CADM3: variants seen among roughly 807,000 people sequenced by gnomAD.
CADM3 encodes the protein cell adhesion molecule 3, also known as TSLC1-like 1.
A neutral mutation model predicts 44.9 loss-of-function variants in CADM3; 11 were observed. The observed-to-expected ratio is 0.25, with a 90% CI of 0.15 to 0.41. The LOEUF is 0.41. Among genes scored for constraint, CADM3 ranks in the 10% least tolerant of loss-of-function variants. The pLI is 1.00. For synonymous variants in CADM3, 207 were observed against 205.2 expected, an observed-to-expected ratio of 1.01 and a Z score of -0.08; for missense variants, 426 against 512.0, an observed-to-expected ratio of 0.83 and a Z score of 1.62.
At chr1:159,198,061 T>C (rs1233625331) in intron 7 of CADM3, 2 of 152,274 alleles carry the variant, frequency 1.3e-5, no homozygotes, top group African/African-American at 4.8e-5. Flanking sequence ...GAGAAAGTTC[T>C]TGTGCCCTTG....
chr1:159,192,785 C>T (rs2102124435), intron 3 of CADM3, 55 bp downstream of exon 3: 2 of 1,549,262 alleles, frequency 1.3e-6, no homozygotes, highest in South Asian at 1.2e-5. Context: ...AAACAAACCT[C>T]CCTAGATGGG....
chr1:159,189,073 G>A, intron 1 of CADM3, among the ~76,000 whole-genome samples: 1 of 152,134 alleles, frequency 6.6e-6, no homozygotes, highest in East Asian at 1.9e-4. Flanking sequence ...GTAGCAATCT[G>A]GGAAGACATG....
Position 159,192,749 on chromosome 1 carries a change from A to G in CADM3, c.382+19A>G. 6.2e-7 allele frequency: 1 copy of G among 1,607,064 alleles called. No homozygotes were observed. Among genetic ancestry groups the G allele is most frequent in the Non-Finnish European group, 8.5e-7 (1 of 1,175,810 alleles). ...GTGCTAGGTGAGACTCCCAAACCCC[A>G]GTGTCTCTACAGCATGCTTCCTTGC... On this transcript the variant is annotated intron_variant, in intron 3 of 8. Transcript: ENST00000368125.
chr1:159,189,746 T>C, intron 1 of CADM3: 1 of 1,557,188 alleles, frequency 6.4e-7, no homozygotes, highest in Non-Finnish European at 8.8e-7. Context: ...GTAGGGCTCA[T>C]GCTTGATGGA....
At chr1:159,200,770 G>T (rs375746297) in intron 8 of CADM3, 34 bp from the exon 9 acceptor site, 1 of 1,495,602 alleles carries the variant, frequency 6.7e-7, no homozygotes, top group Non-Finnish European at 9.1e-7. Context: ...TTGGGAAGCT[G>T]CTCCTGAGAG....
At chr1:159,187,921 C>G (rs1194437965) in intron 1 of CADM3, among the ~76,000 whole-genome samples, 1 of 151,598 alleles carries the variant, frequency 6.6e-6, no homozygotes, top group Non-Finnish European at 1.5e-5. Flanking sequence ...CTCCCCAGCC[C>G]CCTTTCCTTC....
intron 1 of CADM3, among the ~76,000 whole-genome samples, chr1:159,190,200 C>CA (rs1186418650): frequency 6.6e-6 from 1 of 152,092 alleles, no homozygotes; most frequent in Non-Finnish European, 1.5e-5. Flanking sequence ...GAACCAGGGA[C>CA]AAAGGGATGA....
At chr1:159,184,407 T>A (rs1246685606) in intron 1 of CADM3, among the ~76,000 whole-genome samples, 1 of 152,246 alleles carries the variant, frequency 6.6e-6, no homozygotes, top group Non-Finnish European at 1.5e-5. Flanking sequence ...ACAGTATTTT[T>A]AACTCTGGAG....
intron 1 of CADM3, among the ~76,000 whole-genome samples, chr1:159,189,120 A>G (rs1188736906): frequency 6.6e-6 from 1 of 152,210 alleles, no homozygotes; most frequent in Non-Finnish European, 1.5e-5. Flanking sequence ...CTGTTTCTTC[A>G]ATGGTGGGAG....
At chr1:159,185,062 CCTA>C (rs1480522898) in intron 1 of CADM3, among the ~76,000 whole-genome samples, 31 of 152,282 alleles carry the variant, frequency 2.0e-4, no homozygotes, top group African/African-American at 7.5e-4. Context: ...TAGTTTTCAG[CCTA>C]GCTGCTAGAG....
chr1:159,171,685 G>A lies in CADM3; in HGVS notation c.-81G>A. The A allele has an allele frequency of 9.3e-7, 1 of 1,071,886 alleles. No individual in the cohort carries two copies. The allele number at this position is 1,071,886 out of a possible 1,614,324, so 66.4% of individuals were successfully genotyped here. On this transcript the variant is annotated 5_prime_UTR_variant, in exon 1 of 9. Transcript: ENST00000368125. ...CGGGGGCGCCCTTTCGGTCAACATCGTAGTCCACCCCCTCCCCATCCCCAG... is the reference window on the plus strand; with the variant it reads ...CGGGGGCGCCCTTTCGGTCAACATCATAGTCCACCCCCTCCCCATCCCCAG...
At chr1:159,191,090 A>G (rs862988) in intron 1 of CADM3, among the ~76,000 whole-genome samples, 65,090 of 152,114 alleles carry the variant, frequency 0.43, 14,959 homozygotes, top group East Asian at 0.65. Flanking sequence ...AGGCGTGACC[A>G]GAAGGCACAG....
chr1:159,200,760 T>C (rs201047940), intron 8 of CADM3, 44 bp from the exon 9 acceptor site: 31 of 1,448,418 alleles, frequency 2.1e-5, no homozygotes, highest in African/African-American at 5.7e-5. Context: ...GACTCAGAGG[T>C]TGGGAAGCTG....
At position 159,171,860 on chromosome 1, in the gene CADM3, G is replaced by T. The variant is rs1046705658; in HGVS notation, c.88+7G>T. 3 of 1,239,554 alleles carry T rather than the reference G, an allele frequency of 2.4e-6. No homozygotes were observed. Among genetic ancestry groups the T allele is most frequent in the Non-Finnish European group, 3.0e-6 (3 of 989,816 alleles). 76.8% of individuals were successfully genotyped at this position (1,239,554 alleles called of 1,614,324 possible). ...GCCAACCTCTCCCAGGACGGTGAGT[G>T]AGGGAGGGGGCGGCGCCTGGGGAGG... On this transcript the variant is annotated splice_region_variant and intron_variant, in intron 1 of 8. Coordinates refer to ENST00000368125, the MANE Select transcript of CADM3 (RefSeq NM_001127173.3).
rs765681127 is a variant in CADM3 at position 159,171,824 on chromosome 1, C to T, written c.59C>T (p.Ala20Val). 1.6e-6 allele frequency: 2 copies of T among 1,245,974 alleles called. No individual in the cohort carries two copies. The highest frequency in any genetic ancestry group is 4.0e-5 in the South Asian group (1 of 24,876). The allele number at this position is 1,245,974 out of a possible 1,614,324, so 77.2% of individuals were successfully genotyped here. ...CTCCTGCTGTTCGCCTGCTGCTGGG[C>T]GCCCGGCGGGGCCAACCTCTCCCAG... ...LLLLLFACCW[A>V]PGGANLSQDD... Residue 20 changes from alanine (A) to valine (V), a missense_variant, in exon 1 of 9, where the codon GCG becomes GTG. Transcript: ENST00000368125.
At chr1:159,185,147 A>G (rs1009368460) in intron 1 of CADM3, among the ~76,000 whole-genome samples, 3 of 152,142 alleles carry the variant, frequency 2.0e-5, no homozygotes, top group African/African-American at 7.2e-5. Flanking sequence ...AGAGTCCCAC[A>G]CGGTAAGGCA....
chr1:159,171,903 C>G (rs1171756464), intron 1 of CADM3, 50 bp downstream of exon 1: 1 of 1,168,156 alleles, frequency 8.6e-7, no homozygotes, highest in Non-Finnish European at 1.1e-6. Context: ...TGACCCGAGG[C>G]GGGGGCTGGG....
At chr1:159,181,712 G>A (rs1649234443) in intron 1 of CADM3, among the ~76,000 whole-genome samples, 1 of 152,146 alleles carries the variant, frequency 6.6e-6, no homozygotes, top group Admixed American at 6.5e-5. Context: ...TGGCTACAGA[G>A]GGGCTTGTTT....
chr1:159,196,333 G>T (rs1649890356), intron 5 of CADM3, 31 bp from the exon 6 acceptor site: 1 of 1,554,158 alleles, frequency 6.4e-7, no homozygotes, highest in South Asian at 1.1e-5. Flanking sequence ...GTGTGGGGAG[G>T]TATTCATTGA....
Sources: allele counts gnomAD v4.1 joint callset (sites outside exome capture counted in the v4.1 genomes callset), GRCh38; gene constraint gnomAD v4.1.1; transcripts MANE v1.5; gene names NCBI Gene and HGNC (gene_info 2026-07-23, HGNC 2026-07-21).